Variants in CACNB4 observed in about 807,000 individuals in gnomAD.
CACNB4 encodes voltage-dependent L-type calcium channel subunit beta-4.
CACNB4 carries 32 observed loss-of-function variants against 71.2 expected under a neutral mutation model. The ratio of observed to expected loss-of-function variants is 0.45; its 90% CI spans 0.34 to 0.60. The LOEUF (loss-of-function observed/expected upper bound fraction) is 0.60. Among genes scored for constraint, CACNB4 ranks in the 20% least tolerant of loss-of-function variants. CACNB4 has a pLI of 0.01. For missense variants in CACNB4, 464 were observed against 647.9 expected, an observed-to-expected ratio of 0.72 and a Z score of 3.08; for synonymous variants, 231 against 236.9, an observed-to-expected ratio of 0.97 and a Z score of 0.23.
At chr2:151,974,229 GAAGGGAGCA>G (rs1311039698) in intron 2 of CACNB4, among the ~76,000 whole-genome samples, 4 of 152,222 alleles carry the variant, frequency 2.6e-5, no homozygotes, top group Non-Finnish European at 5.9e-5. Flanking sequence ...CACAATTGGA[GAAGGGAGCA>G]AAGGAAAGAT....
intron 2 of CACNB4, among the ~76,000 whole-genome samples, chr2:151,915,816 C>T (rs1033930300): frequency 7.0e-6 from 1 of 142,736 alleles, no homozygotes; most frequent in African/African-American, 2.6e-5. Context: ...CATAGCACTC[C>T]AGCTTGGGCA....
At position 151,847,869 on chromosome 2, in the gene CACNB4, A is replaced by G. The variant is rs1459662020; in HGVS notation, c.1116+5579T>C. On this transcript the variant is annotated intron_variant, in intron 12 of 13. Transcript: ENST00000539935. ...CCACTGCACTCCAACCGGGGTGACA[A>G]TATTACTGGGCTCTAGCAGTTAGTT... Among the ~76,000 whole-genome samples, 3 of 152,300 alleles carry G rather than the reference A, an allele frequency of 2.0e-5. No individual in the cohort carries two copies. The East Asian group carries it at 5.8e-4, about 29-fold the overall frequency.
chr2:152,003,172 G>A (rs1168278699), intron 2 of CACNB4, among the ~76,000 whole-genome samples: 1 of 152,172 alleles, frequency 6.6e-6, no homozygotes, highest in Non-Finnish European at 1.5e-5. Context: ...GCCGGGCATG[G>A]TGCCTCACAC....
At chr2:152,012,498 G>C (rs993099089) in intron 2 of CACNB4, among the ~76,000 whole-genome samples, 15 of 151,934 alleles carry the variant, frequency 9.9e-5, no homozygotes, top group Admixed American at 2.6e-4. Context: ...CAGCTACTCA[G>C]GAGGCTGAGG....
intron 2 of CACNB4, among the ~76,000 whole-genome samples, chr2:151,893,414 A>G (rs971582731): frequency 1.3e-5 from 2 of 152,018 alleles, no homozygotes; most frequent in Admixed American, 6.6e-5. Flanking sequence ...GCTAATTTTT[A>G]TATTTTTCAT....
intron 9 of CACNB4, chr2:151,866,969 ATCTC>A (rs1280012054): frequency 1.3e-5 from 2 of 152,232 alleles, no homozygotes; most frequent in African/African-American, 4.8e-5. Flanking sequence ...TTCGAGACAA[ATCTC>A]TGCTGTTACA....
intron 2 of CACNB4, among the ~76,000 whole-genome samples, chr2:151,948,351 C>G (rs1391492294): frequency 6.6e-6 from 1 of 152,192 alleles, no homozygotes; most frequent in African/African-American, 2.4e-5. Context: ...TTTCTGTGCT[C>G]TGACCTGAAG....
At chr2:151,956,640 C>T (rs1159058494) in intron 2 of CACNB4, among the ~76,000 whole-genome samples, 1 of 152,042 alleles carries the variant, frequency 6.6e-6, no homozygotes, top group Non-Finnish European at 1.5e-5. Flanking sequence ...ATAGTAAAAC[C>T]CCTGAATTGT....
At chr2:151,870,738 G>C (rs1414560461) in intron 7 of CACNB4, 104 bp downstream of exon 7, 1 of 1,204,362 alleles carries the variant, frequency 8.3e-7, no homozygotes, top group African/African-American at 1.5e-5. Context: ...CACCGAGGAG[G>C]CTCTTCCCTT....
At chr2:151,898,948 A>G (rs541665810) in intron 2 of CACNB4, among the ~76,000 whole-genome samples, 5 of 152,386 alleles carry the variant, frequency 3.3e-5, no homozygotes, top group African/African-American at 9.6e-5. Context: ...AGAGGCAGGC[A>G]GGATGTCCAT....
intron 2 of CACNB4, among the ~76,000 whole-genome samples, chr2:152,002,423 T>C (rs571047265): frequency 3.3e-5 from 5 of 152,212 alleles, no homozygotes; most frequent in African/African-American, 1.2e-4. Flanking sequence ...TCTGTTCATA[T>C]ATACAGCAAA....
chr2:152,048,931 T>C (rs935066287), intron 2 of CACNB4: 1 of 152,352 alleles, frequency 6.6e-6, no homozygotes, highest in Admixed American at 6.5e-5. Context: ...TGGAATACTC[T>C]CAGGTGACTG....
intron 2 of CACNB4, among the ~76,000 whole-genome samples, chr2:151,936,678 C>G (rs2099862996): frequency 6.6e-6 from 1 of 152,222 alleles, no homozygotes; most frequent in South Asian, 2.1e-4. Context: ...TTGCAGGGAG[C>G]AGGTCTACAA....
intron 6 of CACNB4, chr2:151,871,964 C>G (rs2151414724): frequency 5.9e-6 from 1 of 169,486 alleles, no homozygotes; most frequent in African/African-American, 2.4e-5. Context: ...GGCCCTCCCT[C>G]CTTTGGGCCC....
At chr2:152,012,900 C>G (rs553735895) in intron 2 of CACNB4, among the ~76,000 whole-genome samples, 1 of 151,314 alleles carries the variant, frequency 6.6e-6, no homozygotes, top group East Asian at 2.1e-4. Flanking sequence ...AGGACTCACT[C>G]ACTGACTCAC....
intron 2 of CACNB4, among the ~76,000 whole-genome samples, chr2:151,998,819 G>A (rs1464736330): frequency 1.3e-5 from 2 of 152,220 alleles, no homozygotes; most frequent in African/African-American, 4.8e-5. Flanking sequence ...CCTAGTCTAT[G>A]AGAATAGGGA....
intron 2 of CACNB4, among the ~76,000 whole-genome samples, chr2:152,081,523 T>C (rs961186007): frequency 2.0e-5 from 3 of 152,036 alleles, no homozygotes; most frequent in Admixed American, 6.6e-5. Flanking sequence ...CCTGACAGAT[T>C]TGGTTCTTAG....
In CACNB4 at chr2:152,098,229, G is replaced by T; in HGVS notation, c.147+101C>A. The T allele has an allele frequency of 2.2e-6, 2 of 899,224 alleles. No individual in the cohort carries two copies. The highest frequency in any genetic ancestry group is 1.4e-5 in the South Asian group (1 of 69,346). The allele number at this position is 899,224 out of a possible 1,614,324, so 55.7% of individuals were successfully genotyped here. ...GCCGGGAAGAGACGCGCGCGGGCTT[G>T]ACCCGCAGCTCCCGCACGTGTGGGC... On this transcript the variant is annotated intron_variant, in intron 2 of 13. Coordinates refer to ENST00000539935, the MANE Select transcript of CACNB4 (RefSeq NM_000726.5). The surrounding 1 kb of genome is among the most constrained non-coding windows in gnomAD (Gnocchi z 5.3).
At chr2:151,923,325 A>G (rs2099859421) in intron 2 of CACNB4, among the ~76,000 whole-genome samples, 1 of 152,222 alleles carries the variant, frequency 6.6e-6, no homozygotes, top group Admixed American at 6.5e-5. Context: ...TCTCAGTTGC[A>G]TAGGGCAGGG....
Sources: allele counts gnomAD v4.1 joint callset (sites outside exome capture counted in the v4.1 genomes callset), GRCh38; gene constraint gnomAD v4.1.1; non-coding constraint Gnocchi (gnomAD v3.1); transcripts MANE v1.5; gene names NCBI Gene and HGNC (gene_info 2026-07-23, HGNC 2026-07-21).